The following PCDHGA1 variants were observed in gnomAD, a reference collection of about 807,000 sequenced individuals.
The protein encoded by PCDHGA1 is protocadherin gamma-A1.
Under a neutral mutation model 58.0 loss-of-function variants are expected in PCDHGA1, and 32 were observed. The ratio of observed to expected loss-of-function variants is 0.55; its 90% CI spans 0.42 to 0.74. The LOEUF (loss-of-function observed/expected upper bound fraction) is 0.74, where lower values mean the gene tolerates loss of function less well. Among genes scored for constraint, PCDHGA1 ranks in the 30% least tolerant of loss-of-function variants. The probability of loss-of-function intolerance (pLI) is 0.00; values close to 1 mark genes in which losing one functional copy is unlikely to be tolerated. For missense variants in PCDHGA1, 1,205 were observed against 1,182.3 expected, an observed-to-expected ratio of 1.02 and a Z score of -0.28; for synonymous variants, 498 against 501.1, an observed-to-expected ratio of 0.99 and a Z score of 0.08.
intron 1 of PCDHGA1, chr5:141,409,179 G>T (rs761754962): frequency 1.2e-5 from 20 of 1,613,988 alleles, no homozygotes; most frequent in Non-Finnish European, 1.6e-5. Context: ...GACGGAGGTG[G>T]TCTCTCTACC....
intron 1 of PCDHGA1, among the ~76,000 whole-genome samples, chr5:141,448,083 T>C (rs1020024755): frequency 2.6e-5 from 4 of 151,368 alleles, no homozygotes; most frequent in African/African-American, 9.7e-5. Context: ...CGAAATGCCA[T>C]CTTAAAAAAA....
rs201669321 is a variant in PCDHGA1, at chr5:141,375,837, G to A, written c.2421+42732G>A. The A allele has an allele frequency of 2.1e-5, 34 of 1,613,980 alleles. No individual in the cohort carries two copies. Among genetic ancestry groups the A allele is most frequent in the Non-Finnish European group, 2.6e-5 (31 of 1,180,040 alleles). Reference sequence around the variant, plus strand: ...CTGGCGCCCCGCTCCGCAGAGCCCGGCTACCTGGTGACCAAGGTGGTGGCG... The same window carrying A: ...CTGGCGCCCCGCTCCGCAGAGCCCGACTACCTGGTGACCAAGGTGGTGGCG... On this transcript the variant is annotated intron_variant, in intron 1 of 3. Coordinates refer to ENST00000517417, the MANE Select transcript of PCDHGA1 (RefSeq NM_018912.3).
chr5:141,361,247 C>A (rs745887185), intron 1 of PCDHGA1: 2 of 1,613,946 alleles, frequency 1.2e-6, no homozygotes, highest in South Asian at 1.1e-5. Context: ...TTGATAAAAA[C>A]GAGAGACAGA....
intron 1 of PCDHGA1, chr5:141,366,064 G>T (rs761173450): frequency 5.5e-5 from 88 of 1,614,106 alleles, no homozygotes; most frequent in Middle Eastern, 1.6e-4. Context: ...TGGAGCTGGC[G>T]CCTCGCTCCG....
chr5:141,486,506 A>C lies in PCDHGA1; in HGVS notation c.2422-8301A>C. The C allele has an allele frequency of 6.2e-7, 1 of 1,614,134 alleles. No individual in the cohort carries two copies. The highest frequency in any genetic ancestry group is 8.5e-7 in the Non-Finnish European group (1 of 1,180,006). Reference sequence around the variant, plus strand: ...TACCCACAGAACTATTTTCCTCAATATTTCAGATGTGAATGATAATCCACC... The same window carrying C: ...TACCCACAGAACTATTTTCCTCAATCTTTCAGATGTGAATGATAATCCACC... On this transcript the variant is annotated intron_variant, in intron 1 of 3. Transcript: ENST00000517417. The surrounding 1 kb of genome is among the most constrained non-coding windows in gnomAD (Gnocchi z 5.0).
At chr5:141,479,206 T>C (rs987807222) in intron 1 of PCDHGA1, 3 of 152,400 alleles carry the variant, frequency 2.0e-5, no homozygotes, top group African/African-American at 7.2e-5. Context: ...CAGAAAAGTA[T>C]TTAAAAAATT....
intron 1 of PCDHGA1, among the ~76,000 whole-genome samples, chr5:141,466,670 G>A (rs994949602): frequency 9.2e-5 from 14 of 152,046 alleles, no homozygotes; most frequent in African/African-American, 2.2e-4. Flanking sequence ...TGATTTCACC[G>A]TTCTTCCACT....
chr5:141,371,193 A>T, intron 1 of PCDHGA1: 1 of 1,614,034 alleles, frequency 6.2e-7, no homozygotes. Flanking sequence ...AGTGATGGCC[A>T]TTGACATGGA....
At chr5:141,454,997 A>G (rs2098809547) in intron 1 of PCDHGA1, among the ~76,000 whole-genome samples, 2 of 151,192 alleles carry the variant, frequency 1.3e-5, no homozygotes, top group Admixed American at 6.6e-5. Flanking sequence ...TATTTTTAGT[A>G]GAGACGGGGT....
chr5:141,395,364 A>G, intron 1 of PCDHGA1: 1 of 1,264,440 alleles, frequency 7.9e-7, no homozygotes, highest in Non-Finnish European at 1.1e-6. Flanking sequence ...TTTTGGGTTT[A>G]TTTTGGTGGT....
intron 1 of PCDHGA1, chr5:141,468,330 C>CAAAAAA (rs533390277): frequency 1.3e-5 from 1 of 79,878 alleles, no homozygotes. Context: ...AACTCCATCT[C>CAAAAAA]AAAAAAAAAA....
rs549455612 is a variant in PCDHGA1 at position 141,415,049 on chromosome 5, A to T, written c.2422-79758A>T. On this transcript the variant is annotated intron_variant, in intron 1 of 3. Transcript: ENST00000517417. Reference sequence around the variant, plus strand: ...GAGCCGGGACTCTTCGCGGTGGGGGAGCACACGGGCGAGGTGCGCACGGCG... The same window carrying T: ...GAGCCGGGACTCTTCGCGGTGGGGGTGCACACGGGCGAGGTGCGCACGGCG... 84 of 1,613,216 alleles carry T rather than the reference A, an allele frequency of 5.2e-5. 1 individual carries two copies. In the Admixed American group the frequency reaches 6.0e-4, roughly 12 times the overall value.
At chr5:141,359,042 C>T (rs1351620188) in intron 1 of PCDHGA1, among the ~76,000 whole-genome samples, 1 of 152,190 alleles carries the variant, frequency 6.6e-6, no homozygotes, top group Admixed American at 6.5e-5. Flanking sequence ...TAGTGATAGA[C>T]TGTGGAATAT....
chr5:141,504,078 C>T (rs1333392062), intron 2 of PCDHGA1, among the ~76,000 whole-genome samples: 1 of 152,078 alleles, frequency 6.6e-6, no homozygotes, highest in Non-Finnish European at 1.5e-5. Flanking sequence ...CCAGATGGTG[C>T]CAAACAGTTA....
chr5:141,422,575 C>G, intron 1 of PCDHGA1: 1 of 1,613,976 alleles, frequency 6.2e-7, no homozygotes, highest in Non-Finnish European at 8.5e-7. Flanking sequence ...CAACGATAAC[C>G]CTCCCGTTTT....
At chr5:141,410,487 A>G in intron 1 of PCDHGA1, 1 of 1,613,970 alleles carries the variant, frequency 6.2e-7, no homozygotes, top group Non-Finnish European at 8.5e-7. Context: ...ACGGGTACAA[A>G]AGAGTTTAAT....
At chr5:141,425,289 A>C (rs17208404) in intron 1 of PCDHGA1, among the ~76,000 whole-genome samples, 26,691 of 152,172 alleles carry the variant, frequency 0.18, 2,539 homozygotes, top group Admixed American at 0.28. Flanking sequence ...CATATTATAA[A>C]ACCTCATCTA....
chr5:141,427,547 T>C (rs747558888), intron 1 of PCDHGA1: 1 of 640,310 alleles, frequency 1.6e-6, no homozygotes, highest in South Asian at 1.5e-5. Flanking sequence ...TCACCATCAC[T>C]GCCACTGACA....
In PCDHGA1 at chr5:141,330,740, C is replaced by A. The variant is rs1008389189; in HGVS notation, c.56C>A (p.Ser19Tyr). ...GCSRLMLLCL[S>Y]LELLLEAGAG... ...AGCAGGCTGATGCTTCTGTGTCTTTCTCTGGAGCTGCTGTTGGAAGCTGGG... is the reference window on the plus strand; with the variant it reads ...AGCAGGCTGATGCTTCTGTGTCTTTATCTGGAGCTGCTGTTGGAAGCTGGG... The change falls in exon 1 of 4, where the codon TCT (serine) becomes TAT (tyrosine). Residue 19 changes from serine (S) to tyrosine (Y), a missense_variant. Transcript: ENST00000517417. The A allele has an allele frequency of 6.2e-7, 1 of 1,613,946 alleles. No individual in the cohort carries two copies. The highest frequency in any genetic ancestry group is 8.5e-7 in the Non-Finnish European group (1 of 1,179,822).
Sources: gnomAD v4.1 joint callset for allele counts (sites outside exome capture counted in the v4.1 genomes callset) on GRCh38, gnomAD v4.1.1 for gene constraint, Gnocchi (gnomAD v3.1) non-coding constraint, MANE v1.5 for transcripts, NCBI Gene and HGNC (gene_info 2026-07-23, HGNC 2026-07-21) for gene names.